FAT3: variants seen among roughly 807,000 people sequenced by gnomAD.
FAT3 encodes the protein protocadherin Fat 3.
In FAT3, 95 loss-of-function variants were observed where a neutral mutation model predicts 310.2. The ratio of observed to expected loss-of-function variants is 0.31; its 90% CI spans 0.26 to 0.36. FAT3 has a LOEUF of 0.36. Among genes scored for constraint, FAT3 ranks in the 10% least tolerant of loss-of-function variants. The pLI is 1.00. For missense variants in FAT3, 5,408 were observed against 5,715.6 expected (o/e 0.95, Z 1.74); for synonymous variants, 2,314 against 2,192.9 (o/e 1.06, Z -1.54).
intron 3 of FAT3, among the ~76,000 whole-genome samples, chr11:92,640,991 G>A (rs1255842212): frequency 2.0e-5 from 3 of 152,176 alleles, no homozygotes. Context: ...GAGTTCAGGA[G>A]TTTGAGACCA....
At chr11:92,806,296 T>C (rs1947504349) in intron 11 of FAT3, 66 bp from the exon 12 acceptor site, 1 of 1,370,306 alleles carries the variant, frequency 7.3e-7, no homozygotes, top group Non-Finnish European at 1.0e-6. Context: ...TCCTATATAA[T>C]GCTAAATATG....
chr11:92,561,966 C>T (rs1182923698), intron 3 of FAT3, among the ~76,000 whole-genome samples: 1 of 152,116 alleles, frequency 6.6e-6, no homozygotes, highest in African/African-American at 2.4e-5. Flanking sequence ...AGAACGTCTC[C>T]TGCTCATGAA....
intron 1 of FAT3, among the ~76,000 whole-genome samples, chr11:92,267,195 C>T: frequency 6.6e-6 from 1 of 151,968 alleles, no homozygotes; most frequent in East Asian, 1.9e-4. Context: ...TTATTCAAGA[C>T]AGAAAAAAAT....
intron 3 of FAT3, among the ~76,000 whole-genome samples, chr11:92,566,620 C>G (rs1405655302): frequency 6.6e-6 from 1 of 151,324 alleles, no homozygotes; most frequent in African/African-American, 2.4e-5. Context: ...AGGCATCACA[C>G]TACCTGACTT....
chr11:92,423,057 G>A (rs190632232), intron 2 of FAT3, among the ~76,000 whole-genome samples: 45 of 152,294 alleles, frequency 3.0e-4, no homozygotes, highest in African/African-American at 9.9e-4. Flanking sequence ...TACACTAAAA[G>A]CATTTCATTT....
At chr11:92,293,032 G>T (rs1434040618) in intron 1 of FAT3, among the ~76,000 whole-genome samples, 1 of 82,000 alleles carries the variant, frequency 1.2e-5, no homozygotes, top group South Asian at 3.2e-4. Flanking sequence ...AAGGAAGGAA[G>T]GAAGGAAGGA....
intron 1 of FAT3, among the ~76,000 whole-genome samples, chr11:92,275,922 TG>T (rs1451726713): frequency 9.5e-6 from 1 of 105,032 alleles, no homozygotes; most frequent in Non-Finnish European, 2.1e-5. Flanking sequence ...CATTAAGATT[TG>T]AATAAATTTT....
intron 1 of FAT3, among the ~76,000 whole-genome samples, chr11:92,333,654 T>G (rs1425134896): frequency 1.4e-4 from 22 of 152,164 alleles, no homozygotes; most frequent in Non-Finnish European, 1.5e-5. Context: ...ACCATGGAAG[T>G]TTTTTTATAA....
At chr11:92,532,189 TAATAA>T (rs1283150684) in intron 3 of FAT3, among the ~76,000 whole-genome samples, 3 of 152,090 alleles carry the variant, frequency 2.0e-5, no homozygotes, top group African/African-American at 7.2e-5. Context: ...ATATTATTAA[TAATAA>T]AATGAAATAC....
intron 4 of FAT3, among the ~76,000 whole-genome samples, chr11:92,752,143 C>G (rs1332161043): frequency 6.6e-6 from 1 of 152,232 alleles, no homozygotes; most frequent in African/African-American, 2.4e-5. Context: ...ACTACTCAAC[C>G]ATGCCTTTGT....
chr11:92,519,102 T>C (rs1953596010), intron 2 of FAT3, among the ~76,000 whole-genome samples: 1 of 152,068 alleles, frequency 6.6e-6, no homozygotes, highest in Non-Finnish European at 1.5e-5. Context: ...TAAACAATTG[T>C]GAAAAGAGCA....
In FAT3 at chr11:92,789,943, G is replaced by A. The variant is rs753684335; in HGVS notation, c.4336G>A (p.Val1446Ile). 3.1e-6 allele frequency: 5 copies of A among 1,613,080 alleles called. No homozygotes were observed. The African/African-American group carries it at 5.3e-5, about 17-fold the overall frequency. The change falls in exon 8 of 28, where the codon GTA (valine) becomes ATA (isoleucine). Residue 1446 changes from valine (V) to isoleucine (I), a missense_variant and splice_region_variant. By Grantham distance (29) the Val-to-Ile change is conservative. Transcript: ENST00000525166. ...TDGTNVAVTQVFIKVLDNNDN... is the reference protein window; with the variant it reads ...TDGTNVAVTQIFIKVLDNNDN... ...CATTCTTTTCTTCTTTTAACTACAG[G>A]TATTTATCAAAGTGCTGGATAATAA...
chr11:92,402,829 A>AT lies in FAT3; in HGVS notation c.3292+47426dup, dbSNP rs1309064029. ...AGAAGCTCAGGGAACACCAAGCAGAATAAGTATCAAAAACCAAAAAAAAAA... is the reference window on the plus strand; with the variant it reads ...AGAAGCTCAGGGAACACCAAGCAGAATTAAGTATCAAAAACCAAAAAAAAAA... On this transcript the variant is annotated intron_variant, in intron 2 of 27. Transcript: ENST00000525166. Among the ~76,000 whole-genome samples, 6 of 151,880 alleles carry AT rather than the reference A, an allele frequency of 4.0e-5. No homozygotes were observed. In the South Asian group the frequency reaches 1.3e-3, roughly 32 times the overall value.
chr11:92,414,851 A>T (rs1950371817), intron 2 of FAT3, among the ~76,000 whole-genome samples: 2 of 152,088 alleles, frequency 1.3e-5, no homozygotes, highest in Admixed American at 1.3e-4. Flanking sequence ...TCTACTAAAA[A>T]TACGAAAAGT....
intron 19 of FAT3, among the ~76,000 whole-genome samples, chr11:92,851,076 G>T (rs113805260): frequency 0.028 from 4,244 of 152,320 alleles, 104 homozygotes; most frequent in African/African-American, 0.072. Context: ...AGAAGGTGGT[G>T]ATGGGGTCAA....
chr11:92,520,836 C>G (rs892462731), intron 2 of FAT3, among the ~76,000 whole-genome samples: 2 of 152,126 alleles, frequency 1.3e-5, no homozygotes, highest in Non-Finnish European at 2.9e-5. Flanking sequence ...CCAAGATACT[C>G]ATTCACACTT....
At chr11:92,625,554 C>T (rs1941290976) in intron 3 of FAT3, among the ~76,000 whole-genome samples, 2 of 152,268 alleles carry the variant, frequency 1.3e-5, no homozygotes, top group South Asian at 2.1e-4. Context: ...AAGCTCACAC[C>T]GATGGCCCAG....
intron 14 of FAT3, among the ~76,000 whole-genome samples, chr11:92,833,008 G>T (rs1022450009): frequency 6.6e-6 from 1 of 152,154 alleles, no homozygotes; most frequent in African/African-American, 2.4e-5. Context: ...AAATAAAAAG[G>T]TGCTTCGAAA....
intron 2 of FAT3, among the ~76,000 whole-genome samples, chr11:92,356,610 G>C (rs575180763): frequency 6.6e-6 from 1 of 152,062 alleles, no homozygotes; most frequent in Non-Finnish European, 1.5e-5. Context: ...TTTTCTTCCC[G>C]TAAGGGCACT....
Sources: gnomAD v4.1 joint callset for allele counts (sites outside exome capture counted in the v4.1 genomes callset) on GRCh38, gnomAD v4.1.1 for gene constraint, MANE v1.5 for transcripts, NCBI Gene and HGNC (gene_info 2026-07-23, HGNC 2026-07-21) for gene names.